The following GRM5 variants were observed in gnomAD, a reference collection of about 807,000 sequenced individuals.
GRM5 encodes the protein metabotropic glutamate receptor 5.
A neutral mutation model predicts 83.1 loss-of-function variants in GRM5; 19 were observed. The ratio of observed to expected loss-of-function variants is 0.23; its 90% CI spans 0.16 to 0.34. The LOEUF is 0.34. Ranked by LOEUF, GRM5 falls within the 10% of genes least tolerant of loss-of-function variation. GRM5 has a pLI of 1.00. For synonymous variants in GRM5, 675 were observed against 633.6 expected (o/e 1.07, Z -0.98); for missense variants, 1,160 against 1,588.3 (o/e 0.73, Z 4.58).
At chr11:88,932,868 G>A (rs943606257) in intron 2 of GRM5, among the ~76,000 whole-genome samples, 54 of 151,892 alleles carry the variant, frequency 3.6e-4, no homozygotes, top group African/African-American at 1.3e-3. Flanking sequence ...TGATGTTGCC[G>A]AAATGCCTGG....
chr11:88,930,525 C>G (rs1277014071), intron 2 of GRM5, among the ~76,000 whole-genome samples: 3 of 152,008 alleles, frequency 2.0e-5, no homozygotes, highest in Non-Finnish European at 2.9e-5. Context: ...ATATTGCCAA[C>G]TTCTTTGTTT....
At chr11:89,061,093 C>T (rs1246887574) in intron 1 of GRM5, among the ~76,000 whole-genome samples, 3 of 151,982 alleles carry the variant, frequency 2.0e-5, no homozygotes, top group African/African-American at 7.2e-5. Flanking sequence ...ATATGTATAT[C>T]AACATATATA....
At chr11:88,610,874 T>C (rs752534395) in intron 4 of GRM5, among the ~76,000 whole-genome samples, 44 of 152,204 alleles carry the variant, frequency 2.9e-4, no homozygotes, top group Non-Finnish European at 6.0e-4. Flanking sequence ...ATGGCTCTTA[T>C]TATTTTGATG....
intron 2 of GRM5, among the ~76,000 whole-genome samples, chr11:88,958,410 A>G: frequency 6.6e-6 from 1 of 151,908 alleles, no homozygotes; most frequent in Non-Finnish European, 1.5e-5. Context: ...ACATAAAAAA[A>G]TTAAAAGAAT....
intron 3 of GRM5, among the ~76,000 whole-genome samples, chr11:88,667,337 T>C (rs1010080945): frequency 1.3e-5 from 2 of 152,068 alleles, no homozygotes; most frequent in Admixed American, 1.3e-4. Flanking sequence ...GAAGAGATAA[T>C]GATGGAGTAT....
intron 3 of GRM5, among the ~76,000 whole-genome samples, chr11:88,745,024 T>A (rs992120049): frequency 2.6e-5 from 4 of 152,148 alleles, no homozygotes; most frequent in Admixed American, 2.0e-4. Flanking sequence ...TCAATTATAA[T>A]TGTTATATTT....
intron 5 of GRM5, 105 bp downstream of exon 5, chr11:88,604,613 C>G: frequency 1.1e-6 from 1 of 933,128 alleles, no homozygotes. Context: ...GGAAACATTA[C>G]CAGGAAACCT....
chr11:88,797,363 A>G (rs1943300941), intron 3 of GRM5, among the ~76,000 whole-genome samples: 1 of 152,092 alleles, frequency 6.6e-6, no homozygotes, highest in South Asian at 2.1e-4. Flanking sequence ...GCTGGTCTTG[A>G]ACTCCTGACC....
intron 2 of GRM5, among the ~76,000 whole-genome samples, chr11:88,929,395 A>C (rs1937634876): frequency 1.3e-5 from 2 of 152,276 alleles, no homozygotes; most frequent in African/African-American, 4.8e-5. Flanking sequence ...GAAATACATA[A>C]ATTAAAAATA....
At position 88,647,136 on chromosome 11, in the gene GRM5, G is replaced by C. The variant is rs4505066; in HGVS notation, c.1147+6032C>G. Among the ~76,000 whole-genome samples, 1,579 of 152,046 alleles carry C rather than the reference G, an allele frequency of 0.01. 47 individuals carry two copies. In the East Asian group the frequency reaches 0.12, roughly 11 times the overall value. The stretch of plus-strand genomic sequence containing the variant: ...TGGTGTCCTCCTTGTCTCCCTTTCT[G>C]TCTGTATGTCTCTTCCCCTCTTTTT... On this transcript the variant is annotated intron_variant, in intron 4 of 9. Transcript: ENST00000305447.
At chr11:88,945,615 T>A (rs1317456475) in intron 2 of GRM5, among the ~76,000 whole-genome samples, 1 of 151,970 alleles carries the variant, frequency 6.6e-6, no homozygotes, top group African/African-American at 2.4e-5. Flanking sequence ...TCAACAAAAT[T>A]GACAAAAATA....
chr11:88,966,500 AG>A (rs1331318075), intron 2 of GRM5, among the ~76,000 whole-genome samples: 1 of 152,164 alleles, frequency 6.6e-6, no homozygotes, highest in African/African-American at 2.4e-5. Context: ...GAATTGAATA[AG>A]GGACATCATT....
chr11:88,649,302 T>C (rs1939564007), intron 4 of GRM5, among the ~76,000 whole-genome samples: 1 of 139,968 alleles, frequency 7.1e-6, no homozygotes, highest in African/African-American at 2.6e-5. Context: ...ATATATATTA[T>C]ACATTACATA....
At chr11:88,988,089 G>T (rs2135039652) in intron 2 of GRM5, among the ~76,000 whole-genome samples, 1 of 148,626 alleles carries the variant, frequency 6.7e-6, no homozygotes, top group Non-Finnish European at 1.5e-5. Context: ...TCAAACCAAA[G>T]GCAAAGAAGT....
intron 2 of GRM5, among the ~76,000 whole-genome samples, chr11:88,934,087 A>G (rs999689787): frequency 6.6e-5 from 10 of 151,806 alleles, no homozygotes; most frequent in East Asian, 1.9e-4. Flanking sequence ...CAAACAAAAA[A>G]TCTTCATTTC....
At chr11:88,781,129 A>ATATATATATATATATACATATATATG (rs1942967044) in intron 3 of GRM5, among the ~76,000 whole-genome samples, 2 of 186 alleles carry the variant, frequency 0.011, no homozygotes, top group African/African-American at 0.033. Context: ...ATATATATGT[A>ATATATATATATATATACATATATATG]TATATATATA....
intron 2 of GRM5, among the ~76,000 whole-genome samples, chr11:89,028,479 G>A (rs1941183891): frequency 6.6e-6 from 1 of 152,086 alleles, no homozygotes; most frequent in Admixed American, 6.6e-5. Flanking sequence ...TTCTAGATCA[G>A]GGACTGAGAA....
chr11:88,697,546 C>T (rs1189641926), intron 3 of GRM5, among the ~76,000 whole-genome samples: 1 of 152,126 alleles, frequency 6.6e-6, no homozygotes, highest in Non-Finnish European at 1.5e-5. Context: ...CAAGTGCAGC[C>T]ACAAGGTACA....
chr11:88,616,608 G>A (rs891172647), intron 4 of GRM5, among the ~76,000 whole-genome samples: 1 of 152,068 alleles, frequency 6.6e-6, no homozygotes, highest in African/African-American at 2.4e-5. Flanking sequence ...CTAATGGATA[G>A]GATGTGGAGT....
Sources: allele counts gnomAD v4.1 joint callset (sites outside exome capture counted in the v4.1 genomes callset), GRCh38; gene constraint gnomAD v4.1.1; transcripts MANE v1.5; gene names NCBI Gene and HGNC (gene_info 2026-07-23, HGNC 2026-07-21).